The following TTC17 variants were observed in gnomAD, a reference collection of about 807,000 sequenced individuals.
TTC17 encodes tetratricopeptide repeat protein 17.
TTC17 carries 58 observed loss-of-function variants against 143.8 expected under a neutral mutation model. The ratio of observed to expected loss-of-function variants is 0.40; its 90% CI spans 0.33 to 0.50. The LOEUF (loss-of-function observed/expected upper bound fraction) is 0.50. TTC17 is among the 20% of genes least tolerant of loss of function. The pLI, the probability that TTC17 is intolerant of heterozygous loss-of-function variation, is 0.49. For missense variants in TTC17, 1,273 were observed against 1,392.5 expected (o/e 0.91, Z 1.37); for synonymous variants, 501 against 497.8 (o/e 1.01, Z -0.09).
At chr11:43,447,844 A>G in intron 18 of TTC17, 158 bp from the exon 19 acceptor site, 2 of 850,536 alleles carry the variant, frequency 2.4e-6, no homozygotes, top group Non-Finnish European at 3.5e-6. Context: ...TAATGACGAG[A>G]TTTTAATTAG....
At chr11:43,466,612 C>A (rs1947978317) in intron 21 of TTC17, 2 of 296,110 alleles carry the variant, frequency 6.8e-6, no homozygotes, top group Non-Finnish European at 6.9e-6. Context: ...GGTGGCAAGT[C>A]CATCTACGGG....
At chr11:43,366,774 G>A (rs939470820) in intron 1 of TTC17, among the ~76,000 whole-genome samples, 1 of 151,984 alleles carries the variant, frequency 6.6e-6, no homozygotes, top group Admixed American at 6.6e-5. Context: ...GCCTTATCTC[G>A]GGTCATCCTT....
At chr11:43,475,374 C>T (rs193109650) in intron 21 of TTC17, among the ~76,000 whole-genome samples, 33 of 152,242 alleles carry the variant, frequency 2.2e-4, no homozygotes, top group African/African-American at 7.7e-4. Context: ...AGCAGTCGCC[C>T]AGGCTAAAGG....
chr11:43,444,958 G>A (rs1461146528), intron 18 of TTC17, among the ~76,000 whole-genome samples: 3 of 152,108 alleles, frequency 2.0e-5, no homozygotes, highest in African/African-American at 7.2e-5. Flanking sequence ...TCTACTTCTA[G>A]TAATTTACCC....
chr11:43,489,318 G>A (rs991200731), intron 21 of TTC17, among the ~76,000 whole-genome samples: 1 of 152,172 alleles, frequency 6.6e-6, no homozygotes, highest in Non-Finnish European at 1.5e-5. Context: ...CATAAGAAAG[G>A]AAATGCAGAT....
At chr11:43,374,080 A>T (rs1182350851) in intron 1 of TTC17, among the ~76,000 whole-genome samples, 1 of 152,220 alleles carries the variant, frequency 6.6e-6, no homozygotes. Context: ...CTGTCCTCAA[A>T]CAATCAACAG....
intron 7 of TTC17, 98 bp downstream of exon 7, chr11:43,397,589 CT>C: frequency 3.8e-6 from 5 of 1,300,652 alleles, no homozygotes; most frequent in African/African-American, 1.5e-5. Flanking sequence ...TTTTCCATTC[CT>C]TTTTTGGTCT....
At chr11:43,376,767 G>A (rs1856777419) in intron 1 of TTC17, among the ~76,000 whole-genome samples, 8 of 152,176 alleles carry the variant, frequency 5.3e-5, no homozygotes, top group Admixed American at 5.2e-4. Context: ...CTTATTGGTT[G>A]AATGGATGTT....
chr11:43,492,901 G>A (rs755067548), intron 23 of TTC17, among the ~76,000 whole-genome samples: 3 of 152,242 alleles, frequency 2.0e-5, no homozygotes, highest in Non-Finnish European at 4.4e-5. Flanking sequence ...CATCTAAAAT[G>A]TGGCATCACA....
At chr11:43,425,168 A>T (rs1590398394) in intron 16 of TTC17, among the ~76,000 whole-genome samples, 1 of 152,194 alleles carries the variant, frequency 6.6e-6, no homozygotes, top group Non-Finnish European at 1.5e-5. Flanking sequence ...CAGAAAGATG[A>T]TTCTAGCTGG....
rs186041417 is a variant in TTC17, at chr11:43,406,808, A to G, written c.1762-330A>G. Among the ~76,000 whole-genome samples, 5 of 152,336 alleles carry G rather than the reference A, an allele frequency of 3.3e-5. No homozygotes were observed. In the East Asian group the frequency reaches 9.6e-4, roughly 29 times the overall value. ...CAGGAAGGAAAGACAGTAGATTTTT[A>G]TTACATCAGATATTGCATGCTGTTG... On this transcript the variant is annotated intron_variant, in intron 13 of 23. Transcript: ENST00000039989.
At chr11:43,387,206 C>A (rs1857202277) in intron 2 of TTC17, among the ~76,000 whole-genome samples, 1 of 152,132 alleles carries the variant, frequency 6.6e-6, no homozygotes, top group Non-Finnish European at 1.5e-5. Context: ...AAATATTATT[C>A]TATTGGTTGA....
chr11:43,387,735 A>T (rs143599578), intron 2 of TTC17, among the ~76,000 whole-genome samples: 1 of 151,842 alleles, frequency 6.6e-6, no homozygotes, highest in African/African-American at 2.4e-5. Flanking sequence ...TAAAAGGGTC[A>T]CATGGGACTT....
At chr11:43,455,577 A>C (rs986770633) in intron 21 of TTC17, among the ~76,000 whole-genome samples, 3 of 152,164 alleles carry the variant, frequency 2.0e-5, no homozygotes, top group African/African-American at 7.2e-5. Context: ...CATATAATTT[A>C]TTCAAATAGG....
At chr11:43,443,701 G>T in intron 17 of TTC17, 117 bp downstream of exon 17, 3 of 1,304,588 alleles carry the variant, frequency 2.3e-6, no homozygotes, top group South Asian at 3.0e-5. Flanking sequence ...TGCACTCCAG[G>T]ACAGCCTTCA....
intron 8 of TTC17, among the ~76,000 whole-genome samples, chr11:43,399,654 G>A (rs1857763885): frequency 6.6e-6 from 1 of 152,138 alleles, no homozygotes; most frequent in Non-Finnish European, 1.5e-5. Flanking sequence ...TCTCCATCCA[G>A]CCTTGACAAC....
intron 21 of TTC17, among the ~76,000 whole-genome samples, chr11:43,461,390 C>CAA (rs750240102): frequency 0.21 from 7,673 of 35,960 alleles, 1,638 homozygotes; most frequent in Non-Finnish European, 0.32. Flanking sequence ...AACTCCGTCT[C>CAA]AAAAAAAAAA....
intron 23 of TTC17, among the ~76,000 whole-genome samples, chr11:43,492,380 C>T (rs943799977): frequency 2.5e-4 from 38 of 152,156 alleles, no homozygotes; most frequent in African/African-American, 9.2e-4. Context: ...CTACGTAGTT[C>T]CTCAACATGA....
chr11:43,369,863 G>A (rs997932671), intron 1 of TTC17, among the ~76,000 whole-genome samples: 5 of 151,898 alleles, frequency 3.3e-5, no homozygotes, highest in African/African-American at 4.8e-5. Flanking sequence ...GAGTTCTCCC[G>A]CCTTGGCCTC....
Sources: allele counts gnomAD v4.1 joint callset (sites outside exome capture counted in the v4.1 genomes callset), GRCh38; gene constraint gnomAD v4.1.1; transcripts MANE v1.5; gene names NCBI Gene and HGNC (gene_info 2026-07-23, HGNC 2026-07-21).